CNOT1: variants seen among roughly 807,000 people sequenced by gnomAD.
CNOT1 encodes the protein CCR4-associated factor 1.
Under a neutral mutation model 273.8 loss-of-function variants are expected in CNOT1, and 15 were observed. That is an observed-to-expected ratio of 0.05 (90% CI 0.04 to 0.08). CNOT1 has a LOEUF of 0.08. Among genes scored for constraint, CNOT1 ranks in the 10% least tolerant of loss-of-function variants. The pLI is 1.00. For synonymous variants in CNOT1, 1,022 were observed against 1,005.5 expected (o/e 1.02, Z -0.31); for missense variants, 1,644 against 2,912.2 (o/e 0.56, Z 10.02).
chr16:58,526,730 C>T (rs192105632), intron 44 of CNOT1, among the ~76,000 whole-genome samples: 1,926 of 150,386 alleles, frequency 0.013, 41 homozygotes, highest in African/African-American at 0.046. Flanking sequence ...GCAGGAGAAT[C>T]GCCTGAACCC....
chr16:58,559,942 A>T, intron 17 of CNOT1: 1 of 892,362 alleles, frequency 1.1e-6, no homozygotes, highest in Admixed American at 1.9e-5. Context: ...ATGTCTCAAG[A>T]GTCTACGTAA....
At chr16:58,533,241 A>G (rs1375903760) in intron 40 of CNOT1, 2 of 152,364 alleles carry the variant, frequency 1.3e-5, no homozygotes, top group Non-Finnish European at 2.9e-5. Context: ...CAATAGGGTT[A>G]AGAACCACTT....
chr16:58,605,585 T>G (rs921771571), intron 1 of CNOT1, among the ~76,000 whole-genome samples: 1 of 152,188 alleles, frequency 6.6e-6, no homozygotes, highest in Non-Finnish European at 1.5e-5. Flanking sequence ...CACTGGTATT[T>G]CAACATGGGA....
chr16:58,605,846 G>A (rs527570537), intron 1 of CNOT1, among the ~76,000 whole-genome samples: 1 of 152,092 alleles, frequency 6.6e-6, no homozygotes, highest in South Asian at 2.1e-4. Flanking sequence ...TTGTAGAGAT[G>A]GGGTTTTGCC....
At position 58,526,249 on chromosome 16, in the gene CNOT1, C is replaced by G. The variant is rs979952411; in HGVS notation, c.6454-111G>C. The G allele has an allele frequency of 4.5e-5, 47 of 1,034,852 alleles. No individual in the cohort carries two copies. In the African/African-American group the frequency reaches 6.7e-4, roughly 15 times the overall value. The allele number at this position is 1,034,852 out of a possible 1,614,324, so 64.1% of individuals were successfully genotyped here. A position where few individuals can be genotyped will look rare whatever the true frequency, so the allele number is the denominator to read the frequency against. On this transcript the variant is annotated intron_variant, in intron 44 of 48. Coordinates refer to ENST00000317147, the MANE Select transcript of CNOT1 (RefSeq NM_016284.5). ...CTAAAACTATATACACTATAAATGC[C>G]TTGAAGAGCACAGCTGCCACATTTT...
At position 58,523,417 on chromosome 16, in the gene CNOT1, G is replaced by A. The variant is rs768626343; in HGVS notation, c.6870C>T (p.Tyr2290=). The change falls in exon 47 of 49, where the codon TAC becomes TAT. Residue 2290 remains tyrosine, a synonymous_variant. Coordinates refer to ENST00000317147, the MANE Select transcript of CNOT1 (RefSeq NM_016284.5). The part of the protein sequence containing the change: ...HTHYFSCTML[Y]LFAEANTEAI... ...CTTCCGTATTGGCCTCTGCAAAAAG[G>A]TACAGCATGGTGCAACTGAAGTAGT... The A allele has an allele frequency of 6.2e-7, 1 of 1,614,066 alleles. No individual in the cohort carries two copies. The highest frequency in any genetic ancestry group is 8.5e-7 in the Non-Finnish European group (1 of 1,179,946).
chr16:58,580,309 A>AG (rs1271984638), intron 12 of CNOT1, among the ~76,000 whole-genome samples: 1 of 151,940 alleles, frequency 6.6e-6, no homozygotes, highest in East Asian at 1.9e-4. Flanking sequence ...CAAATAAAAA[A>AG]AAAAAAAGGC....
chr16:58,551,079 T>C, intron 24 of CNOT1, 53 bp downstream of exon 24: 1 of 1,594,916 alleles, frequency 6.3e-7, no homozygotes, highest in Non-Finnish European at 8.5e-7. Flanking sequence ...TATACATCCT[T>C]TAGTCCATTA....
chr16:58,528,774 A>T (rs949616272), intron 43 of CNOT1, 126 bp from the exon 44 acceptor site: 10 of 603,102 alleles, frequency 1.7e-5, no homozygotes, highest in Admixed American at 1.3e-4. Flanking sequence ...TTTCTTAAAA[A>T]GTTTTAGGCT....
intron 2 of CNOT1, among the ~76,000 whole-genome samples, chr16:58,596,091 G>A (rs1310199802): frequency 1.3e-5 from 2 of 152,174 alleles, no homozygotes; most frequent in Non-Finnish European, 2.9e-5. Context: ...TCCCTCCTTT[G>A]TTCAATAAAC....
At chr16:58,609,210 A>G (rs2042799359) in intron 1 of CNOT1, among the ~76,000 whole-genome samples, 1 of 152,110 alleles carries the variant, frequency 6.6e-6, no homozygotes, top group African/African-American at 2.4e-5. Context: ...CACCTCTACT[A>G]AAACTACAAA....
At chr16:58,597,657 G>C in intron 2 of CNOT1, 2 of 475,016 alleles carry the variant, frequency 4.2e-6, no homozygotes, top group South Asian at 1.6e-5. Flanking sequence ...AAAGAGGAAA[G>C]TCTGCAGGAA....
chr16:58,617,854 T>G (rs753768414), intron 1 of CNOT1, among the ~76,000 whole-genome samples: 2 of 151,992 alleles, frequency 1.3e-5, no homozygotes, highest in Non-Finnish European at 2.9e-5. Context: ...ACTACAACAA[T>G]AAAAATTAGC....
At chr16:58,595,109 G>A (rs1385358084) in intron 2 of CNOT1, among the ~76,000 whole-genome samples, 2 of 147,984 alleles carry the variant, frequency 1.4e-5, no homozygotes, top group African/African-American at 2.5e-5. Flanking sequence ...GTGAGACTCC[G>A]TCAAAAAAAA....
At chr16:58,568,014 C>T (rs1019303108) in intron 16 of CNOT1, among the ~76,000 whole-genome samples, 3 of 152,170 alleles carry the variant, frequency 2.0e-5, no homozygotes, top group Non-Finnish European at 2.9e-5. Flanking sequence ...CTGTTTTAAA[C>T]TTATTGCCTA....
intron 8 of CNOT1, among the ~76,000 whole-genome samples, chr16:58,583,891 G>A (rs116228645): frequency 0.011 from 1,597 of 151,880 alleles, 25 homozygotes; most frequent in African/African-American, 0.036. Flanking sequence ...TGTAAGAGCC[G>A]GGTGTGGTGG....
intron 36 of CNOT1, 107 bp downstream of exon 36, chr16:58,538,665 G>A (rs1385708029): frequency 6.7e-6 from 10 of 1,497,356 alleles, no homozygotes; most frequent in South Asian, 6.6e-5. Context: ...CTAAGTGTCC[G>A]ACCTACCTAC....
At chr16:58,596,477 G>A (rs1389967183) in intron 2 of CNOT1, among the ~76,000 whole-genome samples, 2 of 152,144 alleles carry the variant, frequency 1.3e-5, no homozygotes, top group East Asian at 3.9e-4. Flanking sequence ...ACGATGGAGT[G>A]TCACTTTATC....
chr16:58,617,338 G>A (rs1424682456), intron 1 of CNOT1, among the ~76,000 whole-genome samples: 4 of 151,718 alleles, frequency 2.6e-5, no homozygotes, highest in African/African-American at 9.7e-5. Context: ...TCCAACCCGG[G>A]CAACAGAGCA....
Sources: gnomAD v4.1 joint callset for allele counts (sites outside exome capture counted in the v4.1 genomes callset) on GRCh38, gnomAD v4.1.1 for gene constraint, MANE v1.5 for transcripts, NCBI Gene and HGNC (gene_info 2026-07-23, HGNC 2026-07-21) for gene names.